The following AUTS2 variants were observed in gnomAD, a reference collection of about 807,000 sequenced individuals.
AUTS2 encodes the protein autism susceptibility gene 2 protein.
Under a neutral mutation model 112.4 loss-of-function variants are expected in AUTS2, and 17 were observed. The ratio of observed to expected loss-of-function variants is 0.15; its 90% CI spans 0.10 to 0.23. The LOEUF (loss-of-function observed/expected upper bound fraction) is 0.23. Ranked by LOEUF, AUTS2 falls within the 10% of genes least tolerant of loss-of-function variation. AUTS2 has a pLI of 1.00. For missense variants in AUTS2, 1,510 were observed against 1,701.6 expected (o/e 0.89, Z 1.98); for synonymous variants, 751 against 702.7 (o/e 1.07, Z -1.09).
intron 1 of AUTS2, among the ~76,000 whole-genome samples, chr7:69,855,005 A>G (rs945653203): frequency 2.6e-5 from 4 of 152,220 alleles, no homozygotes; most frequent in East Asian, 1.9e-4. Flanking sequence ...TTACTTTTCA[A>G]TGCAAATAGA....
intron 4 of AUTS2, among the ~76,000 whole-genome samples, chr7:70,204,278 C>T (rs1273723648): frequency 6.6e-6 from 1 of 152,148 alleles, no homozygotes. Context: ...GTTCTCACTG[C>T]TGTGTTCCCA....
At chr7:70,715,960 G>A (rs1053750090) in intron 6 of AUTS2, among the ~76,000 whole-genome samples, 4 of 152,190 alleles carry the variant, frequency 2.6e-5, no homozygotes, top group African/African-American at 9.7e-5. Context: ...TATCCTAAAA[G>A]TGATTTCAAA....
At chr7:70,607,480 C>T (rs1396351292) in intron 5 of AUTS2, among the ~76,000 whole-genome samples, 2 of 152,132 alleles carry the variant, frequency 1.3e-5, no homozygotes, top group Non-Finnish European at 2.9e-5. Flanking sequence ...AGCAAGACAA[C>T]TCACGATGCA....
intron 3 of AUTS2, chr7:70,118,483 C>G (rs1316850521): frequency 1.6e-5 from 6 of 376,556 alleles, no homozygotes; most frequent in Non-Finnish European, 2.7e-5. Flanking sequence ...TATTTGTTAC[C>G]TTAGAAACAA....
intron 5 of AUTS2, among the ~76,000 whole-genome samples, chr7:70,603,220 T>C (rs1156624854): frequency 2.1e-5 from 1 of 47,954 alleles, no homozygotes; most frequent in African/African-American, 7.2e-5. Context: ...CATTTTCCTT[T>C]TCTTTTCTTT....
At chr7:69,886,756 G>T (rs553538249) in intron 1 of AUTS2, among the ~76,000 whole-genome samples, 2 of 140,676 alleles carry the variant, frequency 1.4e-5, no homozygotes, top group African/African-American at 5.3e-5. Flanking sequence ...ATGCAGATTT[G>T]ACTTCTTTGT....
chr7:69,885,450 G>C (rs1794233685), intron 1 of AUTS2, among the ~76,000 whole-genome samples: 1 of 152,202 alleles, frequency 6.6e-6, no homozygotes, highest in Admixed American at 6.5e-5. Context: ...ATTTGACTTA[G>C]GAGGCATAGC....
chr7:70,756,646 T>A (rs1261747365), intron 6 of AUTS2, among the ~76,000 whole-genome samples: 1 of 152,138 alleles, frequency 6.6e-6, no homozygotes, highest in Non-Finnish European at 1.5e-5. Flanking sequence ...TGACTTTATA[T>A]CTAGAATGGT....
chr7:70,487,700 A>G (rs754037907), intron 5 of AUTS2, among the ~76,000 whole-genome samples: 4 of 152,178 alleles, frequency 2.6e-5, no homozygotes, highest in Admixed American at 6.5e-5. Context: ...CAAGCTTTCC[A>G]TCTCTCCTGG....
chr7:70,034,191 A>G (rs1228875173), intron 2 of AUTS2, among the ~76,000 whole-genome samples: 3 of 152,322 alleles, frequency 2.0e-5, no homozygotes, highest in African/African-American at 7.2e-5. Flanking sequence ...GTGTCCTCTG[A>G]AAAATCAGAG....
At chr7:70,686,814 C>T (rs1445258208) in intron 5 of AUTS2, among the ~76,000 whole-genome samples, 2 of 152,308 alleles carry the variant, frequency 1.3e-5, no homozygotes, top group Admixed American at 1.3e-4. Flanking sequence ...ACCACGCACA[C>T]GTGAGCCACT....
intron 1 of AUTS2, among the ~76,000 whole-genome samples, chr7:69,782,319 T>C (rs1345677103): frequency 1.3e-5 from 2 of 151,724 alleles, no homozygotes; most frequent in Non-Finnish European, 2.9e-5. Flanking sequence ...GCTGTGATGG[T>C]ATTACTGCAG....
chr7:70,568,653 T>C (rs1452266617), intron 5 of AUTS2, among the ~76,000 whole-genome samples: 1 of 152,070 alleles, frequency 6.6e-6, no homozygotes, highest in African/African-American at 2.4e-5. Context: ...TGTGCTGGGG[T>C]TTGAGGTCTC....
intron 6 of AUTS2, among the ~76,000 whole-genome samples, chr7:70,705,134 T>C (rs1809666165): frequency 6.6e-6 from 1 of 152,244 alleles, no homozygotes; most frequent in African/African-American, 2.4e-5. Context: ...TCAGATAAGA[T>C]AAAACTCTAT....
intron 1 of AUTS2, among the ~76,000 whole-genome samples, chr7:69,671,748 G>T (rs1166246240): frequency 6.6e-6 from 1 of 152,138 alleles, no homozygotes; most frequent in Non-Finnish European, 1.5e-5. Flanking sequence ...GGATGAAGCA[G>T]CAGTTTGTGT....
intron 5 of AUTS2, among the ~76,000 whole-genome samples, chr7:70,656,885 C>T (rs1360035654): frequency 1.3e-5 from 2 of 150,226 alleles, no homozygotes; most frequent in South Asian, 2.1e-4. Flanking sequence ...AAATGTCACT[C>T]ACATCCTACA....
At chr7:69,848,947 T>C (rs1319122048) in intron 1 of AUTS2, among the ~76,000 whole-genome samples, 1 of 152,162 alleles carries the variant, frequency 6.6e-6, no homozygotes, top group Non-Finnish European at 1.5e-5. Flanking sequence ...GAGTTGGTGC[T>C]TTTGGTGGAA....
chr7:69,802,962 A>C (rs569824023), intron 1 of AUTS2, among the ~76,000 whole-genome samples: 17 of 152,164 alleles, frequency 1.1e-4, no homozygotes, highest in Admixed American at 3.9e-4. Context: ...ACCATAAGTT[A>C]ATTGCTGTTT....
intron 6 of AUTS2, among the ~76,000 whole-genome samples, chr7:70,754,824 G>C (rs1017082083): frequency 3.9e-5 from 6 of 152,162 alleles, no homozygotes; most frequent in African/African-American, 1.4e-4. Context: ...TGGATGGATG[G>C]ATGTTCTAGG....
Sources: allele counts gnomAD v4.1 joint callset (sites outside exome capture counted in the v4.1 genomes callset), GRCh38; gene constraint gnomAD v4.1.1; transcripts MANE v1.5; gene names NCBI Gene and HGNC (gene_info 2026-07-23, HGNC 2026-07-21).